TBC1D9: variants seen among roughly 807,000 people sequenced by gnomAD.
TBC1D9 encodes TBC1 domain family member 9A.
Under a neutral mutation model 132.0 loss-of-function variants are expected in TBC1D9, and 63 were observed. The observed-to-expected ratio is 0.48, with a 90% confidence interval of 0.39 to 0.59. TBC1D9 has a LOEUF of 0.59. TBC1D9 is among the 20% of genes least tolerant of loss of function. The pLI is 0.00. For missense variants in TBC1D9, 1,261 were observed against 1,592.7 expected (o/e 0.79, Z 3.54); for synonymous variants, 610 against 609.9 (o/e 1.00, Z 0.00).
chr4:140,712,718 G>A (rs935414240), intron 1 of TBC1D9, among the ~76,000 whole-genome samples: 24 of 150,278 alleles, frequency 1.6e-4, no homozygotes, highest in African/African-American at 4.9e-4. Flanking sequence ...ACTCCAGCCC[G>A]GGCAAGAGAG....
At chr4:140,715,270 G>C (rs964135544) in intron 1 of TBC1D9, among the ~76,000 whole-genome samples, 3 of 152,088 alleles carry the variant, frequency 2.0e-5, no homozygotes, top group Admixed American at 2.0e-4. Context: ...TTCTCATCAC[G>C]GCCTGAACTA....
At chr4:140,732,906 A>T (rs1399744521) in intron 1 of TBC1D9, among the ~76,000 whole-genome samples, 1 of 152,242 alleles carries the variant, frequency 6.6e-6, no homozygotes, top group Non-Finnish European at 1.5e-5. Context: ...CATCATGGTG[A>T]CACTGTACAA....
At chr4:140,691,789 C>A (rs1737881458) in intron 2 of TBC1D9, among the ~76,000 whole-genome samples, 1 of 152,188 alleles carries the variant, frequency 6.6e-6, no homozygotes, top group South Asian at 2.1e-4. Context: ...TAAATATATA[C>A]CTGGGCAAAC....
At chr4:140,704,333 G>A (rs147225031) in intron 1 of TBC1D9, among the ~76,000 whole-genome samples, 1,904 of 151,642 alleles carry the variant, frequency 0.013, 21 homozygotes, top group South Asian at 0.029. Context: ...CCTGGGAGGC[G>A]CAGGTTGCAG....
chr4:140,643,873 T>C, intron 13 of TBC1D9: 1 of 723,422 alleles, frequency 1.4e-6, no homozygotes, highest in Non-Finnish European at 2.5e-6. Context: ...GTAGCCATGG[T>C]TTCCATGGCG....
intron 15 of TBC1D9, among the ~76,000 whole-genome samples, chr4:140,636,375 TAC>T (rs1426216494): frequency 3.3e-5 from 5 of 151,850 alleles, no homozygotes; most frequent in Non-Finnish European, 5.9e-5. Context: ...TCCAGAAAAA[TAC>T]CCAGAAATCG....
At chr4:140,645,510 A>G in intron 13 of TBC1D9, 1 of 361,830 alleles carries the variant, frequency 2.8e-6, no homozygotes, top group South Asian at 2.1e-5. Flanking sequence ...CTAAGCCACT[A>G]TCCTCTCTTG....
intron 1 of TBC1D9, among the ~76,000 whole-genome samples, chr4:140,750,260 C>A (rs988845750): frequency 1.3e-5 from 2 of 151,810 alleles, no homozygotes; most frequent in Non-Finnish European, 2.9e-5. Flanking sequence ...TGTACAATTG[C>A]CACATCAATT....
intron 1 of TBC1D9, among the ~76,000 whole-genome samples, chr4:140,727,023 T>C (rs1267378942): frequency 6.6e-6 from 1 of 152,226 alleles, no homozygotes; most frequent in Non-Finnish European, 1.5e-5. Flanking sequence ...AAGGTGGTCA[T>C]TCTGATAACC....
chr4:140,651,164 A>G (rs1402892724), intron 13 of TBC1D9, among the ~76,000 whole-genome samples: 4 of 152,188 alleles, frequency 2.6e-5, no homozygotes, highest in Non-Finnish European at 5.9e-5. Context: ...TAGAAAAAAC[A>G]CTTTTCAAAA....
At chr4:140,751,350 T>C (rs1283569031) in intron 1 of TBC1D9, among the ~76,000 whole-genome samples, 3 of 152,140 alleles carry the variant, frequency 2.0e-5, no homozygotes, top group Admixed American at 2.0e-4. Flanking sequence ...GCCTTCCCAA[T>C]AAATCATTCT....
At chr4:140,719,543 G>C (rs1388373568) in intron 1 of TBC1D9, among the ~76,000 whole-genome samples, 1 of 152,156 alleles carries the variant, frequency 6.6e-6, no homozygotes, top group Non-Finnish European at 1.5e-5. Context: ...GTGTCTAGAA[G>C]AGGTAAAGGA....
intron 1 of TBC1D9, among the ~76,000 whole-genome samples, chr4:140,735,989 G>A (rs371040944): frequency 3.3e-5 from 5 of 152,144 alleles, no homozygotes; most frequent in East Asian, 3.8e-4. Flanking sequence ...GTTACCGAGT[G>A]CTTTTCTGGG....
intron 2 of TBC1D9, among the ~76,000 whole-genome samples, chr4:140,695,390 A>G (rs535950187): frequency 6.6e-6 from 1 of 152,210 alleles, no homozygotes. Flanking sequence ...GGTAAAGAAA[A>G]GGGAAACTCA....
intron 2 of TBC1D9, among the ~76,000 whole-genome samples, chr4:140,689,137 C>T (rs1478265722): frequency 6.6e-6 from 1 of 152,142 alleles, no homozygotes; most frequent in African/African-American, 2.4e-5. Context: ...TCTGTTTTGC[C>T]TCTCATCTGT....
intron 1 of TBC1D9, among the ~76,000 whole-genome samples, chr4:140,726,229 C>A (rs1248525363): frequency 1.3e-5 from 2 of 151,922 alleles, no homozygotes; most frequent in Non-Finnish European, 2.9e-5. Context: ...GTGGAGGCTG[C>A]AGTGAGCCAA....
At chr4:140,705,716 C>A (rs1399258049) in intron 1 of TBC1D9, among the ~76,000 whole-genome samples, 1 of 152,130 alleles carries the variant, frequency 6.6e-6, no homozygotes, top group African/African-American at 2.4e-5. Context: ...AAAGCAGCAA[C>A]AATTACGATT....
chr4:140,751,279 C>T (rs897674829), intron 1 of TBC1D9, among the ~76,000 whole-genome samples: 4 of 152,168 alleles, frequency 2.6e-5, no homozygotes, highest in African/African-American at 7.2e-5. Flanking sequence ...AACAGACCCA[C>T]ACACATACGG....
intron 1 of TBC1D9, among the ~76,000 whole-genome samples, chr4:140,755,178 C>T (rs541131852): frequency 6.6e-6 from 1 of 152,268 alleles, no homozygotes; most frequent in East Asian, 1.9e-4. Flanking sequence ...GAGATTATTT[C>T]TAATATGGCA....
Sources: allele counts gnomAD v4.1 joint callset (sites outside exome capture counted in the v4.1 genomes callset), GRCh38; gene constraint gnomAD v4.1.1; transcripts MANE v1.5; gene names NCBI Gene and HGNC (gene_info 2026-07-23, HGNC 2026-07-21).